The following MCC variants were observed in gnomAD, a reference collection of about 807,000 sequenced individuals.
MCC encodes MCC regulator of Wnt signaling pathway.
In MCC, 90 loss-of-function variants were observed where a neutral mutation model predicts 116.2. That is an observed-to-expected ratio of 0.77 (90% CI 0.65 to 0.92). MCC has a LOEUF of 0.92. Ranked by LOEUF, MCC falls within the 40% of genes least tolerant of loss-of-function variation. The pLI is 0.00. For synonymous variants in MCC, 578 were observed against 510.5 expected (o/e 1.13, Z -1.78); for missense variants, 1,516 against 1,312.2 (o/e 1.16, Z -2.40).
At chr5:113,147,762 AGAG>A (rs1400450313) in intron 4 of MCC, among the ~76,000 whole-genome samples, 4 of 152,202 alleles carry the variant, frequency 2.6e-5, no homozygotes, top group African/African-American at 9.6e-5. Context: ...CAAAGGAGCT[AGAG>A]GAGTTTACCA....
At chr5:113,441,231 A>G (rs1289851434) in intron 1 of MCC, among the ~76,000 whole-genome samples, 3 of 152,130 alleles carry the variant, frequency 2.0e-5, no homozygotes, top group Admixed American at 6.5e-5. Flanking sequence ...GCTACTCAGG[A>G]GGTTTAGGCA....
intron 1 of MCC, among the ~76,000 whole-genome samples, chr5:113,485,633 G>GA (rs898743700): frequency 2.0e-5 from 3 of 152,186 alleles, no homozygotes; most frequent in African/African-American, 7.2e-5. Context: ...TAACCATGAG[G>GA]ATGAATGCTT....
intron 2 of MCC, among the ~76,000 whole-genome samples, chr5:113,350,684 T>A (rs910040689): frequency 9.9e-5 from 15 of 152,010 alleles, no homozygotes; most frequent in Non-Finnish European, 1.5e-5. Context: ...ACTGGACAAA[T>A]GAGGTTACAT....
chr5:113,037,864 G>T (rs1385965270), intron 17 of MCC, among the ~76,000 whole-genome samples: 1 of 152,200 alleles, frequency 6.6e-6, no homozygotes, highest in African/African-American at 2.4e-5. Context: ...CTGGACTACA[G>T]ATCAAGCATG....
chr5:113,353,052 G>A (rs1768319681), intron 2 of MCC, among the ~76,000 whole-genome samples: 4 of 152,060 alleles, frequency 2.6e-5, no homozygotes, highest in South Asian at 4.2e-4. Context: ...CCTTGACATG[G>A]ACACCACTGT....
At chr5:113,096,817 C>G (rs564169480) in intron 8 of MCC, among the ~76,000 whole-genome samples, 1 of 152,244 alleles carries the variant, frequency 6.6e-6, no homozygotes, top group East Asian at 1.9e-4. Context: ...GGGAGTGAAC[C>G]TGTTATTGCA....
intron 3 of MCC, among the ~76,000 whole-genome samples, chr5:113,317,246 A>C (rs1467260408): frequency 6.6e-6 from 1 of 152,152 alleles, no homozygotes; most frequent in Non-Finnish European, 1.5e-5. Context: ...ATATGAATTA[A>C]ATTTTCTGTT....
chr5:113,095,383 A>G (rs1182450268), intron 8 of MCC, among the ~76,000 whole-genome samples: 1 of 152,224 alleles, frequency 6.6e-6, no homozygotes, highest in African/African-American at 2.4e-5. Flanking sequence ...CTGTTTTCCC[A>G]TCTCTAAAAA....
At chr5:113,209,977 G>C (rs78856932) in intron 3 of MCC, among the ~76,000 whole-genome samples, 2 of 152,082 alleles carry the variant, frequency 1.3e-5, no homozygotes, top group African/African-American at 2.4e-5. Flanking sequence ...ACCGTCTATC[G>C]GAGTGATAAG....
intron 2 of MCC, among the ~76,000 whole-genome samples, chr5:113,342,649 C>G (rs957769441): frequency 6.6e-6 from 1 of 152,202 alleles, no homozygotes; most frequent in Non-Finnish European, 1.5e-5. Context: ...AGTTGTCACT[C>G]TTTCCAGAAA....
Position 113,434,248 on chromosome 5 carries a change from C to A in MCC, c.171-49036G>T, listed in dbSNP as rs560296208. 5 of 1,613,936 alleles carry A rather than the reference C, an allele frequency of 3.1e-6. No individual in the cohort carries two copies. The highest frequency in any genetic ancestry group is 4.2e-6 in the Non-Finnish European group (5 of 1,179,938). ...AGGATCACGCCTAGGCTCCAGATGT[C>A]GTACACCTTGGGCTGGTAGGGAATG... On this transcript the variant is annotated intron_variant, in intron 1 of 18. Coordinates refer to ENST00000408903, the MANE Select transcript of MCC (RefSeq NM_001085377.2). The surrounding 1 kb of genome is among the most constrained non-coding windows in gnomAD (Gnocchi z 4.2).
intron 1 of MCC, among the ~76,000 whole-genome samples, chr5:113,471,186 T>C (rs1772080038): frequency 6.6e-6 from 1 of 152,232 alleles, no homozygotes; most frequent in African/African-American, 2.4e-5. Context: ...GTCAAAGTCA[T>C]TCTCTGTCCA....
Position 113,160,077 on chromosome 5 carries a change from G to A in MCC, c.628-8655C>T, listed in dbSNP as rs528426508. On this transcript the variant is annotated intron_variant, in intron 3 of 18. Transcript: ENST00000408903. Reference sequence around the variant, plus strand: ...AGCATTCAAAGGCTCCTTCAACACCGCAGCAGTGGGACACCATTTATACAA... The same window carrying A: ...AGCATTCAAAGGCTCCTTCAACACCACAGCAGTGGGACACCATTTATACAA... 2.6e-5 allele frequency among the ~76,000 whole-genome samples: 4 copies of A among 152,226 alleles called. No individual in the cohort carries two copies. The East Asian group carries it at 5.8e-4, about 22-fold the overall frequency.
intron 3 of MCC, among the ~76,000 whole-genome samples, chr5:113,255,352 T>C (rs1386795234): frequency 6.6e-6 from 1 of 152,188 alleles, no homozygotes; most frequent in Non-Finnish European, 1.5e-5. Flanking sequence ...GAAAGCCACA[T>C]ATTAAGAATG....
intron 1 of MCC, among the ~76,000 whole-genome samples, chr5:113,408,834 G>C (rs2150401715): frequency 6.6e-6 from 1 of 152,332 alleles, no homozygotes; most frequent in Non-Finnish European, 1.5e-5. Context: ...GGGAGCAGGA[G>C]ATGGATGAAC....
At position 113,043,607 on chromosome 5, in the gene MCC, T is replaced by C. The variant is rs1384436098; in HGVS notation, c.2679A>G (p.Pro893=). 7 of 1,614,002 alleles carry C rather than the reference T, an allele frequency of 4.3e-6. No individual in the cohort carries two copies. The highest frequency in any genetic ancestry group is 5.9e-6 in the Non-Finnish European group (7 of 1,179,908). ...TCCTGAGTTCGGCTAGGGACAGAGC[T>C]GGGGAGGCAGCATCAGCACACTCCT... ...PGKECADAAS[P]ALSLAELRTT... is the part of the protein sequence containing the mutation. Residue 893 remains proline, a synonymous_variant, in exon 17 of 19, where the codon CCA becomes CCG. Coordinates refer to ENST00000408903, the MANE Select transcript of MCC (RefSeq NM_001085377.2).
At chr5:113,151,175 C>T in intron 4 of MCC, 134 bp downstream of exon 4, 1 of 607,538 alleles carries the variant, frequency 1.6e-6, no homozygotes. Context: ...GCAGCCAGAG[C>T]AGACCAAGAC....
intron 1 of MCC, among the ~76,000 whole-genome samples, chr5:113,425,425 CAGTATA>C (rs1770455576): frequency 6.6e-6 from 1 of 152,172 alleles, no homozygotes; most frequent in South Asian, 2.1e-4. Context: ...AAGAGAAACA[CAGTATA>C]TTGGGCTTGG....
At chr5:113,310,266 T>C (rs962222105) in intron 3 of MCC, among the ~76,000 whole-genome samples, 4 of 152,242 alleles carry the variant, frequency 2.6e-5, no homozygotes, top group African/African-American at 9.6e-5. Context: ...GAGTGCTCTT[T>C]TGCTCTTCTG....
Sources: allele counts gnomAD v4.1 joint callset (sites outside exome capture counted in the v4.1 genomes callset), GRCh38; gene constraint gnomAD v4.1.1; non-coding constraint Gnocchi (gnomAD v3.1); transcripts MANE v1.5; gene names NCBI Gene and HGNC (gene_info 2026-07-23, HGNC 2026-07-21).